Variants in CCDC175 observed in about 807,000 individuals in gnomAD.
The protein encoded by CCDC175 is coiled-coil domain containing 175, also known as coiled-coil domain-containing protein 175.
Under a neutral mutation model 114.6 loss-of-function variants are expected in CCDC175, and 100 were observed. That is an observed-to-expected ratio of 0.87 (90% confidence interval 0.74 to 1.03). CCDC175 has a LOEUF of 1.03. Ranked by LOEUF, CCDC175 falls within the 50% of genes least tolerant of loss-of-function variation. The pLI is 0.00. For synonymous variants in CCDC175, 306 were observed against 308.7 expected, an observed-to-expected ratio of 0.99 and a Z score of 0.09; for missense variants, 880 against 917.8, an observed-to-expected ratio of 0.96 and a Z score of 0.53.
chr14:59,568,763 T>C (rs1476025115), intron 3 of CCDC175, among the ~76,000 whole-genome samples: 2 of 152,230 alleles, frequency 1.3e-5, no homozygotes, highest in Non-Finnish European at 2.9e-5. Flanking sequence ...AGACCAGTGA[T>C]AGACAGGAGC....
intron 17 of CCDC175, among the ~76,000 whole-genome samples, chr14:59,514,500 C>A: frequency 6.6e-6 from 1 of 152,092 alleles, no homozygotes; most frequent in African/African-American, 2.4e-5. Context: ...AAACAAGGCA[C>A]GAGAACTACA....
At chr14:59,522,167 G>A (rs779657424) in intron 16 of CCDC175, among the ~76,000 whole-genome samples, 1 of 152,208 alleles carries the variant, frequency 6.6e-6, no homozygotes, top group Non-Finnish European at 1.5e-5. Context: ...GTGACTTTGA[G>A]TATTACAGTC....
chr14:59,563,937 G>A, intron 5 of CCDC175, 78 bp from the exon 6 acceptor site: 1 of 930,174 alleles, frequency 1.1e-6, no homozygotes, highest in Non-Finnish European at 1.4e-6. Context: ...TAAAAACAGT[G>A]TCAACCTAAT....
At chr14:59,510,888 C>A in intron 18 of CCDC175, 80 bp from the exon 19 acceptor site, 12 of 1,171,518 alleles carry the variant, frequency 1.0e-5, no homozygotes, top group Admixed American at 2.6e-5. Context: ...GGATCATGTC[C>A]AAAAAAAAAT....
At chr14:59,518,175 A>G (rs1893215421) in intron 17 of CCDC175, among the ~76,000 whole-genome samples, 1 of 152,242 alleles carries the variant, frequency 6.6e-6, no homozygotes, top group Admixed American at 6.5e-5. Flanking sequence ...TTAATTCAAG[A>G]TGGACTAAAG....
chr14:59,537,477 C>A (rs1894470265), intron 13 of CCDC175, among the ~76,000 whole-genome samples: 1 of 152,132 alleles, frequency 6.6e-6, no homozygotes, highest in Non-Finnish European at 1.5e-5. Context: ...TACCACCATC[C>A]CTGTTCTCAG....
intron 16 of CCDC175, among the ~76,000 whole-genome samples, chr14:59,522,073 T>C (rs1251205707): frequency 6.6e-6 from 1 of 152,218 alleles, no homozygotes; most frequent in Non-Finnish European, 1.5e-5. Flanking sequence ...GAGAGATGAT[T>C]AATTGAGTCA....
In CCDC175 at chr14:59,540,735, GT is replaced by G; in HGVS notation, c.1294del (p.Thr432GlnfsTer10). On this transcript the variant is annotated frameshift_variant, in exon 11 of 20. Coordinates refer to ENST00000537690, the MANE Select transcript of CCDC175 (RefSeq NM_001164399.2). LOFTEE classifies it high-confidence loss of function. ...GATTTTGATTTGTTGCTGATACACT[GT>G]TTTTGTTGCTCTAAAAAGAAAAACA... The part of the protein sequence containing the change: ...TLQELQQATK[T>X]VYQQQIKILS... The G allele has an allele frequency of 7.3e-7, 1 of 1,376,686 alleles. No individual in the cohort carries two copies. The highest frequency in any genetic ancestry group is 2.5e-5 in the Admixed American group (1 of 39,990). The allele number at this position is 1,376,686 out of a possible 1,614,324, so 85.3% of individuals were successfully genotyped here.
At chr14:59,509,577 A>G (rs1467585400) in intron 19 of CCDC175, among the ~76,000 whole-genome samples, 1 of 152,172 alleles carries the variant, frequency 6.6e-6, no homozygotes, top group East Asian at 1.9e-4. Flanking sequence ...CAGTGGCACA[A>G]TCATGGCTAA....
At chr14:59,564,531 A>G (rs1896409760) in intron 5 of CCDC175, 1 of 156,384 alleles carries the variant, frequency 6.4e-6, no homozygotes, top group Non-Finnish European at 1.4e-5. Context: ...CAGTGGCAGA[A>G]AAAGATGCAG....
chr14:59,529,159 C>T (rs1321945453), intron 14 of CCDC175, among the ~76,000 whole-genome samples: 1 of 152,130 alleles, frequency 6.6e-6, no homozygotes, highest in Non-Finnish European at 1.5e-5. Context: ...CTGAATTGTT[C>T]AGTTTCCTTT....
intron 19 of CCDC175, 57 bp downstream of exon 19, chr14:59,510,589 C>A (rs1191407351): frequency 6.7e-7 from 1 of 1,498,384 alleles, no homozygotes; most frequent in East Asian, 2.5e-5. Flanking sequence ...ATGTTACCAG[C>A]TATATAGTAA....
At position 59,551,402 on chromosome 14, in the gene CCDC175, C is replaced by T. The variant is rs996901327; in HGVS notation, c.988G>A (p.Asp330Asn). 2.3e-5 allele frequency: 34 copies of T among 1,459,612 alleles called. No individual in the cohort carries two copies. In the Admixed American group the frequency reaches 4.2e-4, roughly 18 times the overall value. 90.4% of individuals were successfully genotyped at this position (1,459,612 alleles called of 1,614,324 possible). A position where few individuals can be genotyped will look rare whatever the true frequency, so the allele number is the denominator to read the frequency against. ...FFTDNKEKLD[D>N]ISNDEKNEFL... is the part of the protein sequence containing the mutation. Reference sequence around the variant, plus strand: ...TCATTTTTTTCATCATTAGATATATCATCTAGTTTTTCTTTGTTATCTGTG... The same window carrying T: ...TCATTTTTTTCATCATTAGATATATTATCTAGTTTTTCTTTGTTATCTGTG... The change falls in exon 8 of 20, where the codon GAT becomes AAT. Residue 330 changes from aspartate to asparagine, a missense_variant. Coordinates refer to ENST00000537690, the MANE Select transcript of CCDC175 (RefSeq NM_001164399.2).
intron 7 of CCDC175, among the ~76,000 whole-genome samples, chr14:59,555,537 C>T (rs1445007886): frequency 1.3e-5 from 2 of 152,142 alleles, no homozygotes; most frequent in African/African-American, 4.8e-5. Context: ...TGGAAGCATT[C>T]CCTTGGAAAA....
chr14:59,529,494 T>A (rs1261932012), intron 14 of CCDC175, among the ~76,000 whole-genome samples: 7 of 152,154 alleles, frequency 4.6e-5, no homozygotes, highest in Non-Finnish European at 1.0e-4. Flanking sequence ...GCTGTCATAG[T>A]TTCAGGGGAT....
At chr14:59,556,338 C>T (rs1459797892) in intron 7 of CCDC175, among the ~76,000 whole-genome samples, 1 of 152,094 alleles carries the variant, frequency 6.6e-6, no homozygotes, top group African/African-American at 2.4e-5. Context: ...TTTGACAAAC[C>T]TGACAAAAAG....
chr14:59,522,156 G>A (rs1220174089), intron 16 of CCDC175, among the ~76,000 whole-genome samples: 1 of 152,200 alleles, frequency 6.6e-6, no homozygotes, highest in Non-Finnish European at 1.5e-5. Context: ...AGTAGTGACA[G>A]GTGACTTTGA....
chr14:59,520,567 A>T (rs1893370696), intron 17 of CCDC175, among the ~76,000 whole-genome samples: 1 of 152,240 alleles, frequency 6.6e-6, no homozygotes, highest in Non-Finnish European at 1.5e-5. Context: ...CAATAGCTTC[A>T]TTCATAATTA....
chr14:59,564,585 A>T (rs567932311), intron 5 of CCDC175: 1 of 156,342 alleles, frequency 6.4e-6, no homozygotes, highest in East Asian at 1.9e-4. Context: ...TGCTCTCGAA[A>T]CATTGTTTTC....
Sources: gnomAD v4.1 joint callset for allele counts (sites outside exome capture counted in the v4.1 genomes callset) on GRCh38, gnomAD v4.1.1 for gene constraint, MANE v1.5 for transcripts, NCBI Gene and HGNC (gene_info 2026-07-23, HGNC 2026-07-21) for gene names.